The following FAM184A variants were observed in gnomAD, a reference collection of about 807,000 sequenced individuals.
FAM184A encodes the protein family with sequence similarity 184 member A.
A neutral mutation model predicts 143.8 loss-of-function variants in FAM184A; 99 were observed. The ratio of observed to expected loss-of-function variants is 0.69; its 90% CI spans 0.58 to 0.81. The LOEUF (loss-of-function observed/expected upper bound fraction) is 0.81, where lower values mean the gene tolerates loss of function less well. Among genes scored for constraint, FAM184A ranks in the 40% least tolerant of loss-of-function variants. FAM184A has a pLI of 0.00. For missense variants in FAM184A, 1,217 were observed against 1,310.5 expected (o/e 0.93, Z 1.10); for synonymous variants, 427 against 446.4 (o/e 0.96, Z 0.55).
intron 1 of FAM184A, among the ~76,000 whole-genome samples, chr6:119,038,112 GGTT>G (rs1318212853): frequency 6.6e-6 from 1 of 152,104 alleles, no homozygotes; most frequent in African/African-American, 2.4e-5. Flanking sequence ...GATAACAGGA[GGTT>G]GTTTTCTAGT....
chr6:119,137,718 C>G (rs777746964), intron 1 of FAM184A, among the ~76,000 whole-genome samples: 21 of 152,324 alleles, frequency 1.4e-4, no homozygotes, highest in Non-Finnish European at 2.6e-4. Flanking sequence ...TTGTCAGGTT[C>G]TATGGGGTTT....
At chr6:119,110,862 T>G (rs1582625184) in intron 1 of FAM184A, among the ~76,000 whole-genome samples, 1 of 152,194 alleles carries the variant, frequency 6.6e-6, no homozygotes, top group African/African-American at 2.4e-5. Flanking sequence ...GAGGCAAAAT[T>G]TAACGCAGTA....
intron 1 of FAM184A, among the ~76,000 whole-genome samples, chr6:119,131,287 T>C (rs1248460477): frequency 6.6e-6 from 1 of 152,204 alleles, no homozygotes; most frequent in African/African-American, 2.4e-5. Flanking sequence ...CCTAAAATAT[T>C]CTTCTGGATT....
chr6:119,069,039 T>G (rs1450184257), intron 1 of FAM184A: 1 of 389,522 alleles, frequency 2.6e-6, no homozygotes, highest in African/African-American at 2.2e-5. Flanking sequence ...TGTTGGAAAA[T>G]ATATGTGAAG....
At chr6:118,977,502 C>T (rs1240721684) in intron 11 of FAM184A, among the ~76,000 whole-genome samples, 1 of 152,116 alleles carries the variant, frequency 6.6e-6, no homozygotes, top group Non-Finnish European at 1.5e-5. Context: ...ATTGCTTGAA[C>T]CCGGGAGGTG....
At position 118,975,062 on chromosome 6, in the gene FAM184A, T is replaced by C. The variant is rs560254413; in HGVS notation, c.2730A>G (p.Glu910=). The C allele has an allele frequency of 1.9e-6, 3 of 1,613,470 alleles. No homozygotes were observed. The highest frequency in any genetic ancestry group is 3.3e-5 in the Admixed American group (2 of 59,974). The part of the protein sequence containing the change: ...LTKELEFKGK[E]ILRIRSESNQ... Reference sequence around the variant, plus strand: ...TAGATTCACTTCGTATTCTGAGAATTTCTTTCCCCTTAAATTCCAGTTCTT... The same window carrying C: ...TAGATTCACTTCGTATTCTGAGAATCTCTTTCCCCTTAAATTCCAGTTCTT... Residue 910 remains glutamate (E), a synonymous_variant, in exon 13 of 18, where the codon GAA becomes GAG. Transcript: ENST00000338891.
At chr6:119,082,777 C>T (rs1178253592), upstream of FAM184A, among the ~76,000 whole-genome samples, 1 of 152,228 alleles carries the variant, frequency 6.6e-6, no homozygotes, top group East Asian at 1.9e-4. Flanking sequence ...GCGCCTGTGG[C>T]TTTTCCAGAA....
intron 1 of FAM184A, among the ~76,000 whole-genome samples, chr6:119,116,051 T>C (rs1789054272): frequency 6.6e-6 from 1 of 150,906 alleles, no homozygotes; most frequent in African/African-American, 2.4e-5. Flanking sequence ...GACTAGAGAC[T>C]GTCTTGGGGC....
intron 9 of FAM184A, among the ~76,000 whole-genome samples, chr6:118,984,357 T>C (rs1784125301): frequency 6.6e-6 from 1 of 151,610 alleles, no homozygotes; most frequent in African/African-American, 2.4e-5. Flanking sequence ...TTTATATTAT[T>C]TCTAGAGATG....
chr6:119,073,885 C>T (rs933461116), intron 1 of FAM184A, among the ~76,000 whole-genome samples: 4 of 152,138 alleles, frequency 2.6e-5, no homozygotes, highest in African/African-American at 7.2e-5. Context: ...GTGGCCTCTA[C>T]GGAAGAGTGA....
At chr6:119,129,061 C>G (rs1789456303) in intron 1 of FAM184A, among the ~76,000 whole-genome samples, 1 of 152,218 alleles carries the variant, frequency 6.6e-6, no homozygotes, top group Admixed American at 6.5e-5. Flanking sequence ...AAACTCAACT[C>G]TTTCAACCAA....
chr6:118,971,645 T>C (rs1221113276), intron 14 of FAM184A, among the ~76,000 whole-genome samples: 1 of 152,216 alleles, frequency 6.6e-6, no homozygotes, highest in Non-Finnish European at 1.5e-5. Context: ...ACTATATCAC[T>C]GAAAAATAAA....
chr6:119,140,726 C>A (rs139925857), intron 1 of FAM184A, among the ~76,000 whole-genome samples: 365 of 152,288 alleles, frequency 2.4e-3, no homozygotes, highest in African/African-American at 8.5e-3. Context: ...TCCTTTCCCA[C>A]ACTCCAAGCA....
chr6:118,977,365 T>C (rs1222988748), intron 11 of FAM184A, among the ~76,000 whole-genome samples: 2 of 152,142 alleles, frequency 1.3e-5, no homozygotes, highest in African/African-American at 4.8e-5. Flanking sequence ...GTAGATCACT[T>C]GAGGCCTGGA....
rs141308759 is a variant in FAM184A at position 119,020,087 on chromosome 6, G to A, written c.1223C>T (p.Ser408Leu). 8 of 1,608,532 alleles carry A rather than the reference G, an allele frequency of 5.0e-6. No individual in the cohort carries two copies. Among genetic ancestry groups the A allele is most frequent in the African/African-American group, 1.3e-5 (1 of 74,568 alleles). ...TTGAGATAATCTCTCATTGACTCTC[G>A]ATTTTTCTGATTCTAAATCTTTAAT... ...VTIKDLESEK[S>L]RVNERLSQLE... Residue 408 changes from serine (S) to leucine (L), a missense_variant, in exon 4 of 18, where the codon TCG becomes TTG. Transcript: ENST00000338891.
rs768767509 is a variant in FAM184A, at chr6:118,974,492, T to C, written c.2851A>G (p.Met951Val). ...TTAGTCTTATTAAAATCTGCCCGCA[T>C]GATATTTTTCTCTCTGAGGTGGTCT... is the stretch of plus-strand genomic sequence containing the variant. The part of the protein sequence containing the change: ...TADHLREKNI[M>V]RADFNKTNEL... The change falls in exon 14 of 18, where the codon ATG becomes GTG. Residue 951 changes from methionine (M) to valine (V), a missense_variant. By Grantham distance (21) the Met-to-Val change is conservative. Coordinates refer to ENST00000338891, the MANE Select transcript of FAM184A (RefSeq NM_024581.6). 1.9e-6 allele frequency: 3 copies of C among 1,613,026 alleles called. No individual in the cohort carries two copies. The highest frequency in any genetic ancestry group is 2.5e-6 in the Non-Finnish European group (3 of 1,179,352).
At chr6:119,060,840 C>T (rs1367039242) in intron 1 of FAM184A, among the ~76,000 whole-genome samples, 1 of 152,098 alleles carries the variant, frequency 6.6e-6, no homozygotes, top group Non-Finnish European at 1.5e-5. Context: ...TGTGTTCCAT[C>T]GTGAGTAAAA....
chr6:119,105,576 A>C (rs1788756738), intron 1 of FAM184A, among the ~76,000 whole-genome samples: 1 of 152,126 alleles, frequency 6.6e-6, no homozygotes, highest in Non-Finnish European at 1.5e-5. Flanking sequence ...TTTCTTCATA[A>C]ATTACTCAGT....
At chr6:119,002,585 T>A (rs1265117783) in intron 9 of FAM184A, among the ~76,000 whole-genome samples, 1 of 152,060 alleles carries the variant, frequency 6.6e-6, no homozygotes, top group Non-Finnish European at 1.5e-5. Context: ...TCTAAGGACA[T>A]GAAAAAAGAT....
Sources: gnomAD v4.1 joint callset for allele counts (sites outside exome capture counted in the v4.1 genomes callset) on GRCh38, gnomAD v4.1.1 for gene constraint, MANE v1.5 for transcripts, NCBI Gene and HGNC (gene_info 2026-07-23, HGNC 2026-07-21) for gene names.